DUOX1: variants seen among roughly 807,000 people sequenced by gnomAD.
DUOX1 encodes dual oxidase 1.
Under a neutral mutation model 181.8 loss-of-function variants are expected in DUOX1, and 134 were observed. The observed-to-expected ratio is 0.74, with a 90% CI of 0.64 to 0.85. The LOEUF (loss-of-function observed/expected upper bound fraction) is 0.85. Among genes scored for constraint, DUOX1 ranks in the 40% least tolerant of loss-of-function variants. The probability of loss-of-function intolerance (pLI) is 0.00; values close to 1 mark genes in which losing one functional copy is unlikely to be tolerated. For missense variants in DUOX1, 1,814 were observed against 2,064.4 expected, an observed-to-expected ratio of 0.88 and a Z score of 2.35; for synonymous variants, 798 against 832.5, an observed-to-expected ratio of 0.96 and a Z score of 0.71.
At chr15:45,145,816 G>C (rs1595584397) in intron 18 of DUOX1, among the ~76,000 whole-genome samples, 1 of 152,084 alleles carries the variant, frequency 6.6e-6, no homozygotes, top group East Asian at 1.9e-4. Flanking sequence ...TTGGGAGGCT[G>C]AGGCAGGAGA....
chr15:45,145,036 C>A lies in DUOX1; in HGVS notation c.2278C>A (p.Arg760=), dbSNP rs1279221401. The part of the protein sequence containing the change: ...LMRAAVTREQ[R]RHLLETFFRH... The stretch of plus-strand genomic sequence containing the variant: ...GAGAGCAGCTGTGACACGGGAGCAG[C>A]GGAGGCACCTCCTGGAGACCTTTTT... Residue 760 remains arginine, a synonymous_variant, in exon 18 of 34, where the codon CGG becomes AGG. Transcript: ENST00000389037. The A allele has an allele frequency of 6.2e-7, 1 of 1,612,836 alleles. No individual in the cohort carries two copies. Among genetic ancestry groups the A allele is most frequent in the Non-Finnish European group, 8.5e-7 (1 of 1,179,598 alleles).
chr15:45,152,592 C>T (rs772358431), intron 25 of DUOX1, 76 bp downstream of exon 25: 3 of 1,339,820 alleles, frequency 2.2e-6, no homozygotes, highest in South Asian at 1.2e-5. Flanking sequence ...GAGAGCCCCC[C>T]TCTCTGCTGG....
chr15:45,149,319 A>C (rs1896746223), intron 21 of DUOX1, among the ~76,000 whole-genome samples: 1 of 152,140 alleles, frequency 6.6e-6, no homozygotes, highest in South Asian at 2.1e-4. Flanking sequence ...AGCACTCCTG[A>C]TTCTGCAGCT....
Position 45,135,156 on chromosome 15 carries a change from C to G in DUOX1, c.360C>G (p.Ala120=). The stretch of plus-strand genomic sequence containing the variant: ...GCGTGGAAACTCCCGGCTGCCCCGC[C>G]GAGTTCCTCAACATTCGCATCCCGC... ...LVSVETPGCP[A]EFLNIRIPPG... is the part of the protein sequence containing the mutation. The change falls in exon 5 of 34, where the codon GCC becomes GCG. Residue 120 remains alanine (A), a synonymous_variant. Transcript: ENST00000389037. 6.2e-7 allele frequency: 1 copy of G among 1,613,818 alleles called. No homozygotes were observed. The highest frequency in any genetic ancestry group is 1.1e-5 in the South Asian group (1 of 91,066).
At chr15:45,152,256 C>G in intron 24 of DUOX1, 30 bp from the exon 25 acceptor site, 2 of 1,595,380 alleles carry the variant, frequency 1.3e-6, no homozygotes, top group Non-Finnish European at 1.7e-6. Context: ...TGCACTGACC[C>G]TCGCTTGCCT....
At position 45,164,801 on chromosome 15, in the gene DUOX1, G is replaced by C; in HGVS notation, c.4556G>C (p.Ser1519Thr). ...CAGGTCCGGAAGATCGGGGTGTTTA[G>C]CTGTGGCCCCCCTGGCATGACCAAG... Reference protein sequence around the residue: ...HPQVRKIGVFSCGPPGMTKNV... With the variant: ...HPQVRKIGVFTCGPPGMTKNV... The change falls in exon 34 of 34, where the codon AGC (serine) becomes ACC (threonine). Residue 1519 changes from serine (S) to threonine (T), a missense_variant. Coordinates refer to ENST00000389037, the MANE Select transcript of DUOX1 (RefSeq NM_175940.3). 3.1e-6 allele frequency: 5 copies of C among 1,614,174 alleles called. No homozygotes were observed. The highest frequency in any genetic ancestry group is 4.2e-6 in the Non-Finnish European group (5 of 1,180,024).
At position 45,160,876 on chromosome 15, in the gene DUOX1, C is replaced by T. The variant is rs747570577; in HGVS notation, c.3742C>T (p.Arg1248Cys). ...TAGCTTTGCCCTGATCCAGCTGCCC[C>T]GTTTCCACATCTTCTTCCTGGTCCC... Reference protein sequence around the residue: ...HGSFALIQLPRFHIFFLVPAI... With the variant: ...HGSFALIQLPCFHIFFLVPAI... The change falls in exon 29 of 34, where the codon CGT (arginine) becomes TGT (cysteine). Residue 1248 changes from arginine (R) to cysteine (C), a missense_variant. Physicochemically the swap from Arg to Cys is radical, Grantham distance 180 (BLOSUM62 -3). Around this residue, in one of 5 missense-constraint regions of DUOX1, gnomAD observed 279 missense variants for 381.9 expected, o/e 0.73. Transcript: ENST00000389037. 9 of 1,613,148 alleles carry T rather than the reference C, an allele frequency of 5.6e-6. 1 individual carries two copies. The highest frequency in any genetic ancestry group is 3.3e-5 in the South Asian group (3 of 90,970).
rs370368750 is a variant in DUOX1, at chr15:45,141,904, ACCT to A, written c.1685-65_1685-63del. 386 of 1,538,276 alleles carry A rather than the reference ACCT, an allele frequency of 2.5e-4. 2 individuals carry two copies. In the African/African-American group the frequency reaches 4.9e-3, roughly 20 times the overall value. ...CCCCCACCCCCTTTCTGCCACCCTA[ACCT>A]CCTCCGTGATCCTGTGCCAGCACCT... On this transcript the variant is annotated intron_variant, in intron 14 of 33. Transcript: ENST00000389037.
intron 17 of DUOX1, 62 bp downstream of exon 17, chr15:45,144,297 G>T: frequency 1.3e-6 from 2 of 1,570,940 alleles, no homozygotes; most frequent in Non-Finnish European, 8.7e-7. Context: ...CAGCCAGGTG[G>T]AGGGGAAGAA....
At chr15:45,142,541 C>CA in intron 15 of DUOX1, among the ~76,000 whole-genome samples, 1 of 152,174 alleles carries the variant, frequency 6.6e-6, no homozygotes, top group South Asian at 2.1e-4. Flanking sequence ...GCCTGATCAA[C>CA]ATGGAGAAAC....
At chr15:45,150,324 A>G (rs1179503675) in intron 21 of DUOX1, 5 of 318,526 alleles carry the variant, frequency 1.6e-5, no homozygotes, top group African/African-American at 8.6e-5. Flanking sequence ...GAGCAGGCTC[A>G]GAAGGCAGGT....
In DUOX1 at chr15:45,163,869, G is replaced by A. The variant is rs764098460; in HGVS notation, c.4484G>A (p.Arg1495His). 1.6e-5 allele frequency: 26 copies of A among 1,613,930 alleles called. No homozygotes were observed. Among genetic ancestry groups the A allele is most frequent in the South Asian group, 6.6e-5 (6 of 91,084 alleles). Reference protein sequence around the residue: ...TGLRSITHFGRPPFEPFFNSL... With the variant: ...TGLRSITHFGHPPFEPFFNSL... ...CTGCGCTCCATCACCCACTTTGGCC[G>A]TCCCCCCTTTGAGCCCTTCTTCAAC... The change falls in exon 33 of 34, where the codon CGT becomes CAT. Residue 1495 changes from arginine (R) to histidine (H), a missense_variant. Coordinates refer to ENST00000389037, the MANE Select transcript of DUOX1 (RefSeq NM_175940.3).
intron 12 of DUOX1, chr15:45,139,865 T>A (rs1896447192): frequency 3.5e-6 from 2 of 573,534 alleles, no homozygotes; most frequent in South Asian, 4.0e-5. Flanking sequence ...AGTCACTATC[T>A]TATTTACTGT....
At chr15:45,162,050 C>G in intron 30 of DUOX1, 80 bp downstream of exon 30, 1 of 1,468,586 alleles carries the variant, frequency 6.8e-7, no homozygotes, top group Non-Finnish European at 9.3e-7. Context: ...AGACTCCCCG[C>G]TCTGTGCCTC....
At chr15:45,157,239 C>T (rs192813736) in intron 28 of DUOX1, among the ~76,000 whole-genome samples, 2 of 152,288 alleles carry the variant, frequency 1.3e-5, no homozygotes, top group East Asian at 1.9e-4. Context: ...TGATGATATG[C>T]GTTTCCTAAG....
chr15:45,149,033 T>C (rs758220335), intron 21 of DUOX1, among the ~76,000 whole-genome samples: 4 of 152,176 alleles, frequency 2.6e-5, no homozygotes, highest in Non-Finnish European at 5.9e-5. Flanking sequence ...CACCAGTGTC[T>C]GATTCAAGTG....
chr15:45,159,046 G>A (rs1188454470), intron 28 of DUOX1, among the ~76,000 whole-genome samples: 1 of 152,166 alleles, frequency 6.6e-6, no homozygotes, highest in African/African-American at 2.4e-5. Flanking sequence ...AGGGCAGAGT[G>A]GAAACTGAAG....
Position 45,136,540 on chromosome 15 carries a change from T to G in DUOX1, c.937T>G (p.Phe313Val). ...TCCTATTTCCCCAGGATACCGGCCA[T>G]TTCTGGACCCCAGCATCTCCTCAGA... Reference protein sequence around the residue: ...TLPEYTGYRPFLDPSISSEFV... With the variant: ...TLPEYTGYRPVLDPSISSEFV... The change falls in exon 9 of 34, where the codon TTT becomes GTT. Residue 313 changes from phenylalanine (F) to valine (V), a missense_variant. Coordinates refer to ENST00000389037, the MANE Select transcript of DUOX1 (RefSeq NM_175940.3). 2 of 1,614,118 alleles carry G rather than the reference T, an allele frequency of 1.2e-6. No individual in the cohort carries two copies. The highest frequency in any genetic ancestry group is 1.7e-6 in the Non-Finnish European group (2 of 1,180,022).
rs72204897 is a variant in DUOX1 at position 45,138,078 on chromosome 15, A to ATGTGTGTGTGTGTG, written c.1113+79_1113+92dup. On this transcript the variant is annotated intron_variant, in intron 10 of 33. Transcript: ENST00000389037. ...TGTGCATGCTTATGTGTGTGTGTGT[A>ATGTGTGTGTGTGTG]TGTGTGTGTGTGTGTGTGTGTGTGT... is the stretch of plus-strand genomic sequence containing the variant. 2.5e-4 allele frequency: 138 copies of ATGTGTGTGTGTGTG among 548,848 alleles called. 1 individual carries two copies. The highest frequency in any genetic ancestry group is 1.2e-3 in the African/African-American group (61 of 50,384). The allele number at this position is 548,848 out of a possible 1,614,324, so 34.0% of individuals were successfully genotyped here. A position where few individuals can be genotyped will look rare whatever the true frequency, so the allele number is the denominator to read the frequency against.
Sources: gnomAD v4.1 joint callset for allele counts (sites outside exome capture counted in the v4.1 genomes callset) on GRCh38, gnomAD v4.1.1 for gene constraint, gnomAD v4.1.1 regional missense constraint, MANE v1.5 for transcripts, NCBI Gene and HGNC (gene_info 2026-07-23, HGNC 2026-07-21) for gene names.